FLYWCH1: variants seen among roughly 807,000 people sequenced by gnomAD.
FLYWCH1 encodes FLYWCH-type zinc finger 1.
FLYWCH1 carries 75 observed loss-of-function variants against 66.4 expected under a neutral mutation model. The ratio of observed to expected loss-of-function variants is 1.13; its 90% CI spans 0.94 to 1.37. The LOEUF is 1.37. Ranked by LOEUF, FLYWCH1 falls within the 40% of genes most tolerant of loss-of-function variation. The pLI is 0.00. For missense variants in FLYWCH1, 1,334 were observed against 1,001.8 expected, an observed-to-expected ratio of 1.33 and a Z score of -4.48; for synonymous variants, 595 against 429.9, an observed-to-expected ratio of 1.38 and a Z score of -4.75.
chr16:2,933,714 A>G lies in FLYWCH1; in HGVS notation c.1250-2A>G. On this transcript the variant is annotated splice_acceptor_variant, in intron 5 of 9. Coordinates refer to ENST00000253928, the MANE Select transcript of FLYWCH1 (RefSeq NM_001308068.2). LOFTEE classifies it high-confidence loss of function. The stretch of plus-strand genomic sequence containing the variant: ...CCCTGACTGCCTCTTGAACCTCCCC[A>G]GGAGGCCCTGAGTTCCTGAAGACGC... 3 of 1,611,238 alleles carry G rather than the reference A, an allele frequency of 1.9e-6. No homozygotes were observed. Among genetic ancestry groups the G allele is most frequent in the Middle Eastern group, 1.7e-4 (1 of 6,042 alleles).
intron 2 of FLYWCH1, among the ~76,000 whole-genome samples, chr16:2,921,931 C>T (rs1296750219): frequency 4.2e-5 from 6 of 142,936 alleles, no homozygotes; most frequent in Admixed American, 7.0e-5. Context: ...GGTGTGGTGG[C>T]GCGCGCCTGT....
chr16:2,924,773 G>C (rs2070498074), intron 2 of FLYWCH1, among the ~76,000 whole-genome samples: 1 of 152,236 alleles, frequency 6.6e-6, no homozygotes, highest in South Asian at 2.1e-4. Flanking sequence ...CCATCCAAGA[G>C]CCTGAACGGG....
chr16:2,923,758 C>T (rs1412075350), intron 2 of FLYWCH1, among the ~76,000 whole-genome samples: 1 of 152,088 alleles, frequency 6.6e-6, no homozygotes, highest in Non-Finnish European at 1.5e-5. Context: ...CCAGAATCGG[C>T]CCGGCGTAGT....
At chr16:2,930,096 G>A (rs889431884) in intron 3 of FLYWCH1, 86 bp downstream of exon 3, 4 of 1,215,214 alleles carry the variant, frequency 3.3e-6, no homozygotes, top group African/African-American at 3.0e-5. Flanking sequence ...TTCAAGCATA[G>A]TGTCTTGTCC....
At chr16:2,942,651 A>AGCATCTGTACAGATCAGCCTTAATACG (rs59722912) in intron 9 of FLYWCH1, among the ~76,000 whole-genome samples, 1 of 151,158 alleles carries the variant, frequency 6.6e-6, no homozygotes, top group Non-Finnish European at 1.5e-5. Flanking sequence ...AATGTAACAC[A>AGCATCTGTACAGATCAGCCTTAATACG]GCAGGCCTGA....
intron 8 of FLYWCH1, among the ~76,000 whole-genome samples, chr16:2,939,135 G>A (rs551419508): frequency 6.6e-6 from 1 of 152,234 alleles, no homozygotes; most frequent in East Asian, 1.9e-4. Flanking sequence ...TAAGGGCCAT[G>A]TCCTGTATAA....
rs188294143 is a variant in FLYWCH1 at position 2,921,621 on chromosome 16, G to A, written c.-74+7332G>A. Among the ~76,000 whole-genome samples the A allele has an allele frequency of 5.3e-5, 8 of 152,280 alleles. No homozygotes were observed. The East Asian group carries it at 1.5e-3, about 29-fold the overall frequency. ...TACAAAGAATACAGAAATTAGCCGG[G>A]CATGGTAGTGTGCGCCTGTGGTCCC... On this transcript the variant is annotated intron_variant, in intron 2 of 9. Transcript: ENST00000253928.
rs1469910408 is a variant in FLYWCH1 at position 2,920,788 on chromosome 16, A to G, written c.-74+6499A>G. 5.6e-5 allele frequency among the ~76,000 whole-genome samples: 8 copies of G among 142,684 alleles called. No individual in the cohort carries two copies. The East Asian group carries it at 1.5e-3, about 26-fold the overall frequency. The allele number at this position is 142,684 out of a possible 152,430, so 93.6% of individuals were successfully genotyped here. ...ACTCCCCACCTCAGGTGATCTGCCC[A>G]CCTTGGCCTCCCGAAGTGCTAGGAT... On this transcript the variant is annotated intron_variant, in intron 2 of 9. Coordinates refer to ENST00000253928, the MANE Select transcript of FLYWCH1 (RefSeq NM_001308068.2).
chr16:2,917,857 G>A (rs189107823), intron 2 of FLYWCH1, among the ~76,000 whole-genome samples: 10 of 135,506 alleles, frequency 7.4e-5, no homozygotes, highest in African/African-American at 2.8e-4. Context: ...TCCCCCTCGA[G>A]ATGGAGTCTC....
chr16:2,932,987 C>G, intron 4 of FLYWCH1, 143 bp from the exon 5 acceptor site: 1 of 716,586 alleles, frequency 1.4e-6, no homozygotes, highest in Non-Finnish European at 2.3e-6. Flanking sequence ...TTTGGGGCCT[C>G]TGACATATCT....
intron 2 of FLYWCH1, among the ~76,000 whole-genome samples, chr16:2,916,996 AAT>A (rs1210483709): frequency 4.0e-5 from 6 of 150,342 alleles, no homozygotes; most frequent in Non-Finnish European, 5.9e-5. Context: ...AAAAAAAAAA[AAT>A]AACAAAAATT....
intron 2 of FLYWCH1, among the ~76,000 whole-genome samples, chr16:2,920,077 G>C (rs566183812): frequency 6.6e-5 from 10 of 151,986 alleles, no homozygotes; most frequent in Non-Finnish European, 1.2e-4. Context: ...GTGCATTTGA[G>C]TGGCAGGATT....
At chr16:2,932,676 T>G (rs568043064) in intron 4 of FLYWCH1, among the ~76,000 whole-genome samples, 1 of 152,138 alleles carries the variant, frequency 6.6e-6, no homozygotes. Flanking sequence ...GTATTATACC[T>G]TGTGTGTTTT....
chr16:2,940,790 C>G (rs67263091), intron 9 of FLYWCH1, among the ~76,000 whole-genome samples: 41,053 of 152,048 alleles, frequency 0.27, 5,698 homozygotes, highest in Admixed American at 0.29. Flanking sequence ...TACTTTGTAT[C>G]ATTTCAGTCC....
rs543661520 is a variant in FLYWCH1 at position 2,933,703 on chromosome 16, T to G, written c.1250-13T>G. On this transcript the variant is annotated splice_polypyrimidine_tract_variant and intron_variant, in intron 5 of 9. Coordinates refer to ENST00000253928, the MANE Select transcript of FLYWCH1 (RefSeq NM_001308068.2). The stretch of plus-strand genomic sequence containing the variant: ...CCTGTCCCCTCCCCTGACTGCCTCT[T>G]GAACCTCCCCAGGAGGCCCTGAGTT... The G allele has an allele frequency of 4.4e-6, 7 of 1,608,036 alleles. No individual in the cohort carries two copies. The African/African-American group carries it at 9.4e-5, about 21-fold the overall frequency.
Position 2,933,595 on chromosome 16 carries a change from C to G in FLYWCH1, c.1249+13C>G. 1 of 1,576,320 alleles carries G rather than the reference C, an allele frequency of 6.3e-7. No homozygotes were observed. The highest frequency in any genetic ancestry group is 8.6e-7 in the Non-Finnish European group (1 of 1,161,072). On this transcript the variant is annotated intron_variant, in intron 5 of 9. Coordinates refer to ENST00000253928, the MANE Select transcript of FLYWCH1 (RefSeq NM_001308068.2). ...GACGCAGACCCGGGTGAGCTGCCTT[C>G]CTTTGGGGCTCACCGGCCCTGCCTT...
rs867929195 is a variant in FLYWCH1, at chr16:2,915,998, C to T, written c.-74+1709C>T. ...CAATAGTACTGATTCACCAGATAAG[C>T]CTACCTGAGTTTGCCTGCCTGGAAG... On this transcript the variant is annotated intron_variant, in intron 2 of 9. Transcript: ENST00000253928. Among the ~76,000 whole-genome samples the T allele has an allele frequency of 9.2e-5, 14 of 152,166 alleles. 1 individual carries two copies. The highest frequency in any genetic ancestry group is 6.8e-3 in the Middle Eastern group (2 of 294).
At chr16:2,940,199 G>A in intron 9 of FLYWCH1, 107 bp downstream of exon 9, 1 of 664,916 alleles carries the variant, frequency 1.5e-6, no homozygotes, top group Admixed American at 2.3e-5. Flanking sequence ...AACATTATGG[G>A]AGTGGTTGGG....
At chr16:2,925,190 G>A (rs2070515220) in intron 2 of FLYWCH1, among the ~76,000 whole-genome samples, 1 of 152,238 alleles carries the variant, frequency 6.6e-6, no homozygotes, top group African/African-American at 2.4e-5. Flanking sequence ...CCCTGGCTGG[G>A]AGGGAGGCCG....
Sources: gnomAD v4.1 joint callset for allele counts (sites outside exome capture counted in the v4.1 genomes callset) on GRCh38, gnomAD v4.1.1 for gene constraint, MANE v1.5 for transcripts, NCBI Gene and HGNC (gene_info 2026-07-23, HGNC 2026-07-21) for gene names.